The following LTBP1 variants were observed in gnomAD, a reference collection of about 807,000 sequenced individuals.
The protein encoded by LTBP1 is latent-transforming growth factor beta-binding protein 1.
In LTBP1, 129 loss-of-function variants were observed where a neutral mutation model predicts 207.6. That is an observed-to-expected ratio of 0.62 (90% CI 0.54 to 0.72). The LOEUF is 0.72. LTBP1 is among the 30% of genes least tolerant of loss of function. The pLI, the probability that LTBP1 is intolerant of heterozygous loss-of-function variation, is 0.00. For missense variants in LTBP1, 2,281 were observed against 2,217.2 expected, an observed-to-expected ratio of 1.03 and a Z score of -0.58; for synonymous variants, 963 against 833.7, an observed-to-expected ratio of 1.16 and a Z score of -2.67.
intron 3 of LTBP1, among the ~76,000 whole-genome samples, chr2:33,074,084 G>T (rs2077946836): frequency 6.6e-6 from 1 of 152,216 alleles, no homozygotes; most frequent in African/African-American, 2.4e-5. Flanking sequence ...TGAGCTAATG[G>T]TCTGAAGTTG....
intron 7 of LTBP1, among the ~76,000 whole-genome samples, chr2:33,198,218 T>C (rs576457606): frequency 3.3e-4 from 51 of 152,350 alleles, no homozygotes; most frequent in African/African-American, 1.1e-3. Context: ...TTGCGTATAT[T>C]GAACCAGCCT....
At chr2:33,282,894 C>T (rs2093587609) in intron 19 of LTBP1, among the ~76,000 whole-genome samples, 1 of 151,922 alleles carries the variant, frequency 6.6e-6, no homozygotes, top group Non-Finnish European at 1.5e-5. Flanking sequence ...GAAACCCTGT[C>T]TCTACTAAAA....
intron 2 of LTBP1, among the ~76,000 whole-genome samples, chr2:32,977,188 C>T (rs976988182): frequency 3.9e-5 from 6 of 152,124 alleles, no homozygotes; most frequent in African/African-American, 1.4e-4. Flanking sequence ...GGAGTGGCCT[C>T]CCCTGCTGTC....
At chr2:33,357,673 A>T (rs2094880576) in intron 26 of LTBP1, among the ~76,000 whole-genome samples, 1 of 152,232 alleles carries the variant, frequency 6.6e-6, no homozygotes, top group Non-Finnish European at 1.5e-5. Context: ...CCTCTAGAAT[A>T]AAATATGAAA....
In LTBP1 at chr2:33,274,869, G is replaced by A; in HGVS notation, c.2744-96G>A. 3.4e-6 allele frequency: 4 copies of A among 1,192,840 alleles called. No individual in the cohort carries two copies. In the South Asian group the frequency reaches 4.0e-5, roughly 12 times the overall value. The allele number at this position is 1,192,840 out of a possible 1,614,324, so 73.9% of individuals were successfully genotyped here. A position where few individuals can be genotyped will look rare whatever the true frequency, so the allele number is the denominator to read the frequency against. On this transcript the variant is annotated intron_variant, in intron 16 of 33. Coordinates refer to ENST00000404816, the MANE Select transcript of LTBP1 (RefSeq NM_206943.4). The stretch of plus-strand genomic sequence containing the variant: ...TTGTCCTCAGTTATAAAGGTTGGGT[G>A]GTACCCAGGGAATAGTATGATGGTA...
At chr2:33,352,192 C>T (rs1270843885) in intron 26 of LTBP1, among the ~76,000 whole-genome samples, 3 of 151,962 alleles carry the variant, frequency 2.0e-5, no homozygotes, top group African/African-American at 7.3e-5. Context: ...AGTGCAGTGG[C>T]GTGATCTTGG....
chr2:33,068,839 C>T (rs1448251244), intron 3 of LTBP1, among the ~76,000 whole-genome samples: 2 of 152,150 alleles, frequency 1.3e-5, no homozygotes, highest in Non-Finnish European at 2.9e-5. Context: ...TGTTTTCTCT[C>T]ATTAAGTACC....
chr2:33,099,688 GT>G (rs571588945), intron 3 of LTBP1, among the ~76,000 whole-genome samples: 549 of 152,284 alleles, frequency 3.6e-3, no homozygotes, highest in Non-Finnish European at 5.8e-3. Context: ...GTGTAGTACT[GT>G]TTATTCTTCC....
At chr2:32,955,565 C>T (rs1677943471) in intron 2 of LTBP1, among the ~76,000 whole-genome samples, 1 of 152,064 alleles carries the variant, frequency 6.6e-6, no homozygotes, top group Non-Finnish European at 1.5e-5. Context: ...GTTGCTGCAT[C>T]AGTGATTACA....
intron 24 of LTBP1, among the ~76,000 whole-genome samples, chr2:33,323,199 C>G (rs979507112): frequency 1.3e-5 from 2 of 152,048 alleles, no homozygotes; most frequent in African/African-American, 4.8e-5. Context: ...TTAGGCAAAA[C>G]CATCTAGTAC....
chr2:32,975,583 GTTT>G (rs779168923), intron 2 of LTBP1, among the ~76,000 whole-genome samples: 4 of 31,378 alleles, frequency 1.3e-4, no homozygotes, highest in African/African-American at 5.5e-4. Flanking sequence ...TTCATTCTTT[GTTT>G]TTTTTTTTTT....
chr2:33,014,854 G>A (rs964786241), intron 2 of LTBP1, among the ~76,000 whole-genome samples: 2 of 152,140 alleles, frequency 1.3e-5, no homozygotes, highest in South Asian at 4.2e-4. Flanking sequence ...AATGATGAAA[G>A]TATTTTCAGA....
chr2:32,967,219 A>G (rs962246703), intron 2 of LTBP1, among the ~76,000 whole-genome samples: 1 of 151,922 alleles, frequency 6.6e-6, no homozygotes, highest in Non-Finnish European at 1.5e-5. Context: ...TTTCTTAGTT[A>G]GCCTGGTTAG....
chr2:32,987,869 C>A (rs945688584), intron 2 of LTBP1, among the ~76,000 whole-genome samples: 1 of 152,138 alleles, frequency 6.6e-6, no homozygotes, highest in Non-Finnish European at 1.5e-5. Context: ...TGAATGATAC[C>A]TTATGGCACA....
chr2:33,302,680 A>G (rs1057343296), intron 22 of LTBP1, among the ~76,000 whole-genome samples: 2 of 152,186 alleles, frequency 1.3e-5, no homozygotes, highest in Admixed American at 1.3e-4. Flanking sequence ...TATACTGTTA[A>G]TGAATCAGTA....
At chr2:33,053,560 TC>T (rs1405196862) in intron 3 of LTBP1, among the ~76,000 whole-genome samples, 1 of 152,152 alleles carries the variant, frequency 6.6e-6, no homozygotes, top group African/African-American at 2.4e-5. Context: ...GTATTTGCCG[TC>T]TGGGTTTCCT....
At position 32,995,197 on chromosome 2, in the gene LTBP1, G is replaced by A. The variant is rs1210701301; in HGVS notation, c.566-25712G>A. 2.7e-5 allele frequency among the ~76,000 whole-genome samples: 4 copies of A among 150,216 alleles called. No homozygotes were observed. The South Asian group carries it at 6.3e-4, about 24-fold the overall frequency. ...GACCCTGTCTCCAAAAAAAAAAACC[G>A]CTCTTCAGATGACTGTTACTCATAG... On this transcript the variant is annotated intron_variant, in intron 2 of 33. Coordinates refer to ENST00000404816, the MANE Select transcript of LTBP1 (RefSeq NM_206943.4).
intron 2 of LTBP1, among the ~76,000 whole-genome samples, chr2:32,997,798 A>C (rs1188260970): frequency 6.6e-6 from 1 of 151,984 alleles, no homozygotes; most frequent in Non-Finnish European, 1.5e-5. Flanking sequence ...ACACAATTCT[A>C]GTTGTGGAGA....
chr2:33,163,789 C>T (rs2084670140), intron 5 of LTBP1, among the ~76,000 whole-genome samples: 1 of 152,104 alleles, frequency 6.6e-6, no homozygotes. Context: ...TAACCTACGT[C>T]AAAATCATTG....
Sources: gnomAD v4.1 joint callset for allele counts (sites outside exome capture counted in the v4.1 genomes callset) on GRCh38, gnomAD v4.1.1 for gene constraint, MANE v1.5 for transcripts, NCBI Gene and HGNC (gene_info 2026-07-23, HGNC 2026-07-21) for gene names.